TENM3: variants seen among roughly 807,000 people sequenced by gnomAD.
TENM3 encodes the protein teneurin transmembrane protein 3.
A neutral mutation model predicts 255.1 loss-of-function variants in TENM3; 63 were observed. The observed-to-expected ratio is 0.25, with a 90% CI of 0.20 to 0.30. The LOEUF is 0.30. Among genes scored for constraint, TENM3 ranks in the 10% least tolerant of loss-of-function variants. The pLI is 1.00. For missense variants in TENM3, 2,929 were observed against 3,461.1 expected, an observed-to-expected ratio of 0.85 and a Z score of 3.86; for synonymous variants, 1,306 against 1,322.3, an observed-to-expected ratio of 0.99 and a Z score of 0.27.
intron 3 of TENM3, among the ~76,000 whole-genome samples, chr4:182,435,844 A>G (rs1269817074): frequency 4.6e-5 from 7 of 152,188 alleles, no homozygotes; most frequent in Non-Finnish European, 1.0e-4. Flanking sequence ...TAGTACATAC[A>G]TAAGGAAGAC....
At chr4:181,467,477 A>G in the TENM3 span, among the ~76,000 whole-genome samples, 1 of 152,036 alleles carries the variant, frequency 6.6e-6, no homozygotes, top group African/African-American at 2.4e-5. Flanking sequence ...AAGGGATTAG[A>G]TCACAAGCAT....
intron 1 of TENM3, among the ~76,000 whole-genome samples, chr4:182,225,936 G>A (rs185198771): frequency 2.7e-4 from 41 of 152,226 alleles, no homozygotes; most frequent in African/African-American, 9.6e-4. Context: ...TCAGCAACAG[G>A]CACCTTTTAA....
At chr4:182,594,221 TCA>T (rs1746957223) in intron 3 of TENM3, among the ~76,000 whole-genome samples, 1 of 152,120 alleles carries the variant, frequency 6.6e-6, no homozygotes, top group African/African-American at 2.4e-5. Flanking sequence ...GCTGTGTTGC[TCA>T]ATCTGGTCTG....
intron 3 of TENM3, among the ~76,000 whole-genome samples, chr4:182,404,370 G>A (rs995714997): frequency 6.6e-6 from 1 of 152,174 alleles, no homozygotes. Flanking sequence ...ACAAAATGAA[G>A]TAATTCATCA....
At chr4:181,766,167 T>C in the TENM3 span, among the ~76,000 whole-genome samples, 1 of 152,124 alleles carries the variant, frequency 6.6e-6, no homozygotes, top group East Asian at 1.9e-4. Flanking sequence ...AACTTCCTCA[T>C]CACGAAGTAC....
At chr4:181,459,245 A>G in the TENM3 span, among the ~76,000 whole-genome samples, 1 of 151,820 alleles carries the variant, frequency 6.6e-6, no homozygotes, top group Non-Finnish European at 1.5e-5. Context: ...TAAAAAATAT[A>G]TTAATATTTA....
rs781420155 is a variant in TENM3, at chr4:182,654,582, A to G, written c.1111+689A>G. ...ATCCTCTGACTTTTTGCAAAATATC[A>G]TAATACTTTATATCTCAGAGCATCC... On this transcript the variant is annotated intron_variant, in intron 6 of 27. Coordinates refer to ENST00000511685, the MANE Select transcript of TENM3 (RefSeq NM_001080477.4). 3.8e-4 allele frequency among the ~76,000 whole-genome samples: 58 copies of G among 152,268 alleles called. 1 individual carries two copies. Among genetic ancestry groups the G allele is most frequent in the Middle Eastern group, 3.4e-3 (1 of 294 alleles).
In TENM3 at chr4:182,783,354, T is replaced by A. The variant is rs1579491057; in HGVS notation, c.5305-5739T>A. Among the ~76,000 whole-genome samples, 4 of 151,778 alleles carry A rather than the reference T, an allele frequency of 2.6e-5. No individual in the cohort carries two copies. The East Asian group carries it at 7.7e-4, about 29-fold the overall frequency. On this transcript the variant is annotated intron_variant, in intron 24 of 27. Coordinates refer to ENST00000511685, the MANE Select transcript of TENM3 (RefSeq NM_001080477.4). ...GGATATGAAATTCTGGGTTGAAAATTCTTTTCTTTAAGAATGTTGAATATT... is the reference window on the plus strand; with the variant it reads ...GGATATGAAATTCTGGGTTGAAAATACTTTTCTTTAAGAATGTTGAATATT...
chr4:182,213,927 G>T (rs1010968428), intron 1 of TENM3, among the ~76,000 whole-genome samples: 1 of 151,758 alleles, frequency 6.6e-6, no homozygotes, highest in Non-Finnish European at 1.5e-5. Flanking sequence ...TCAGCCTCCC[G>T]AGTAGCTGGG....
the TENM3 span, among the ~76,000 whole-genome samples, chr4:181,883,328 T>C: frequency 2.0e-5 from 3 of 152,112 alleles, no homozygotes; most frequent in Admixed American, 6.6e-5. Context: ...CACCAACTCA[T>C]TCAAATCGTG....
At chr4:182,469,015 C>T (rs1427983402) in intron 3 of TENM3, among the ~76,000 whole-genome samples, 1 of 152,040 alleles carries the variant, frequency 6.6e-6, no homozygotes, top group African/African-American at 2.4e-5. Context: ...AAACAAAGAT[C>T]AGTAAATCAA....
the TENM3 span, among the ~76,000 whole-genome samples, chr4:181,486,330 C>T: frequency 6.6e-6 from 1 of 152,292 alleles, no homozygotes; most frequent in Non-Finnish European, 1.5e-5. Flanking sequence ...GGAGACTTGC[C>T]ACATTCACAT....
chr4:181,534,949 G>A, the TENM3 span, among the ~76,000 whole-genome samples: 1 of 152,146 alleles, frequency 6.6e-6, no homozygotes, highest in Non-Finnish European at 1.5e-5. Context: ...CAGAAAGGAG[G>A]GTGAGCCTTT....
In TENM3 at chr4:182,755,555, A is replaced by AG. The variant is rs1762670945; in HGVS notation, c.4892+296_4892+297insG. Among the ~76,000 whole-genome samples, 3 of 151,586 alleles carry AG rather than the reference A, an allele frequency of 2.0e-5. No individual in the cohort carries two copies. The South Asian group carries it at 6.2e-4, about 32-fold the overall frequency. ...AGAACGTATCTCTAAAGAAAAAAAA[A>AG]TGGCCGGGCGCAGTGGCTCACGCCT... On this transcript the variant is annotated intron_variant, in intron 22 of 27. Transcript: ENST00000511685.
the TENM3 span, among the ~76,000 whole-genome samples, chr4:181,850,304 A>T: frequency 4.6e-5 from 7 of 152,238 alleles, no homozygotes; most frequent in African/African-American, 9.6e-5. Context: ...ACATGATTTG[A>T]TTAACAAGAG....
Position 182,344,409 on chromosome 4 carries a change from G to A in TENM3, c.233-2242G>A, listed in dbSNP as rs567059528. Among the ~76,000 whole-genome samples the A allele has an allele frequency of 3.8e-4, 58 of 152,220 alleles. No homozygotes were observed. The East Asian group carries it at 4.5e-3, about 12-fold the overall frequency. Reference sequence around the variant, plus strand: ...GACTTCAGAGGGAAGTCGATGGAGGGAAGTATTTATGGAGTTTGGGATACG... The same window carrying A: ...GACTTCAGAGGGAAGTCGATGGAGGAAAGTATTTATGGAGTTTGGGATACG... On this transcript the variant is annotated intron_variant, in intron 2 of 27. Coordinates refer to ENST00000511685, the MANE Select transcript of TENM3 (RefSeq NM_001080477.4).
intron 22 of TENM3, among the ~76,000 whole-genome samples, chr4:182,765,141 A>AAAT (rs1282375576): frequency 6.6e-6 from 1 of 151,966 alleles, no homozygotes; most frequent in Non-Finnish European, 1.5e-5. Flanking sequence ...GATTAAAAAA[A>AAAT]AATGTCTGAT....
At chr4:181,957,764 AG>A in the TENM3 span, among the ~76,000 whole-genome samples, 1 of 152,170 alleles carries the variant, frequency 6.6e-6, no homozygotes, top group African/African-American at 2.4e-5. Context: ...ATCTGGGTCC[AG>A]TGGTGTACTG....
chr4:181,925,693 A>G, the TENM3 span, among the ~76,000 whole-genome samples: 12 of 152,322 alleles, frequency 7.9e-5, no homozygotes, highest in South Asian at 1.9e-3. Flanking sequence ...CACTGTTTCA[A>G]ATTAATCTTG....
Sources: gnomAD v4.1 joint callset for allele counts (sites outside exome capture counted in the v4.1 genomes callset) on GRCh38, gnomAD v4.1.1 for gene constraint, MANE v1.5 for transcripts, NCBI Gene and HGNC (gene_info 2026-07-23, HGNC 2026-07-21) for gene names.